The following CEP350 variants were observed in gnomAD, a reference collection of about 807,000 sequenced individuals.
CEP350 encodes the protein centrosomal protein 350.
A neutral mutation model predicts 331.8 loss-of-function variants in CEP350; 126 were observed. That is an observed-to-expected ratio of 0.38 (90% CI 0.33 to 0.44). The LOEUF (loss-of-function observed/expected upper bound fraction) is 0.44. CEP350 is among the 20% of genes least tolerant of loss of function. The pLI, the probability that CEP350 is intolerant of heterozygous loss-of-function variation, is 1.00. For synonymous variants in CEP350, 1,200 were observed against 1,259.5 expected (o/e 0.95, Z 1.00); for missense variants, 3,406 against 3,634.6 (o/e 0.94, Z 1.62).
At chr1:179,989,149 G>A (rs1652863066) in intron 3 of CEP350, among the ~76,000 whole-genome samples, 1 of 151,910 alleles carries the variant, frequency 6.6e-6, no homozygotes, top group African/African-American at 2.4e-5. Flanking sequence ...AAAATACATT[G>A]GGATGCAAAA....
At position 180,053,847 on chromosome 1, in the gene CEP350, C is replaced by T; in HGVS notation, c.5087C>T (p.Ala1696Val). ...QYMKEEEMRAAHQSSLLRLRE... is the reference protein window; with the variant it reads ...QYMKEEEMRAVHQSSLLRLRE... Reference sequence around the variant, plus strand: ...ATGAAAGAGGAAGAAATGAGGGCAGCTCACCAGTCTTCACTCCTGCGTCTC... The same window carrying T: ...ATGAAAGAGGAAGAAATGAGGGCAGTTCACCAGTCTTCACTCCTGCGTCTC... Residue 1696 changes from alanine to valine, a missense_variant, in exon 24 of 38, where the codon GCT becomes GTT. Around this residue, in one of 5 missense-constraint regions of CEP350, gnomAD observed 104 missense variants for 143.3 expected, o/e 0.73. Transcript: ENST00000367607. 6.2e-7 allele frequency: 1 copy of T among 1,612,424 alleles called. No individual in the cohort carries two copies. Among genetic ancestry groups the T allele is most frequent in the Non-Finnish European group, 8.5e-7 (1 of 1,178,802 alleles).
intron 27 of CEP350, among the ~76,000 whole-genome samples, chr1:180,067,750 A>G (rs1426622884): frequency 6.6e-6 from 1 of 152,234 alleles, no homozygotes; most frequent in African/African-American, 2.4e-5. Context: ...TGCATAGGAA[A>G]GGAAGAATAT....
At chr1:180,011,885 A>C (rs762899529) in intron 8 of CEP350, 44 bp from the exon 9 acceptor site, 1 of 1,353,640 alleles carries the variant, frequency 7.4e-7, no homozygotes. Flanking sequence ...CACTTCTTAC[A>C]ATTAAAATTT....
Position 180,037,052 on chromosome 1 carries a change from C to A in CEP350, c.4073C>A (p.Ala1358Asp). 1.2e-6 allele frequency: 2 copies of A among 1,605,602 alleles called. No individual in the cohort carries two copies. The highest frequency in any genetic ancestry group is 1.7e-6 in the Non-Finnish European group (2 of 1,175,838). ...DVERVRGISL[A>D]QQESVSLAQI... ...GAAAGAGTTAGAGGCATTTCACTTG[C>A]TCAGCAGGAGAGTGTGTCTCTAGCT... The change falls in exon 17 of 38, where the codon GCT becomes GAT. Residue 1358 changes from alanine (A) to aspartate (D), a missense_variant. Ala to Asp is a moderately radical substitution (Grantham distance 126, BLOSUM62 -2). This residue lies in a region of CEP350 where 1,857 missense variants were observed against 1,909.2 expected (regional missense o/e 0.97). Transcript: ENST00000367607.
chr1:180,111,562 C>T lies in CEP350; in HGVS notation c.*401C>T, dbSNP rs1322678953. ...TTTTGAAATGTAATTCTGGTCTATA[C>T]CATGGAAGTCATAAATGGACATTAT... On this transcript the variant is annotated 3_prime_UTR_variant, in exon 38 of 38. Coordinates refer to ENST00000367607, the MANE Select transcript of CEP350 (RefSeq NM_014810.5). The T allele has an allele frequency of 6.3e-6, 1 of 158,454 alleles. No homozygotes were observed. Among genetic ancestry groups the T allele is most frequent in the African/African-American group, 2.4e-5 (1 of 41,604 alleles). 9.8% of individuals were successfully genotyped at this position (158,454 alleles called of 1,614,324 possible). A position where few individuals can be genotyped will look rare whatever the true frequency, so the allele number is the denominator to read the frequency against.
chr1:180,011,454 T>C (rs946058445), intron 8 of CEP350, among the ~76,000 whole-genome samples: 1 of 152,200 alleles, frequency 6.6e-6, no homozygotes, highest in African/African-American at 2.4e-5. Context: ...CTTAGTTCTT[T>C]TTTTGAGATG....
rs1558155935 is a variant in CEP350 at position 180,094,151 on chromosome 1, AGAT to A, written c.8049_8051del (p.Asp2684del). Reference sequence around the variant, plus strand: ...CAGAAAAGGTTTCCATCGCTGCAGAAGATGACACTTTAGACAATACCTTTTCCG... The same window carrying A: ...CAGAAAAGGTTTCCATCGCTGCAGAAGACACTTTAGACAATACCTTTTCCG... On this transcript the variant is annotated inframe_deletion, in exon 34 of 38. Coordinates refer to ENST00000367607, the MANE Select transcript of CEP350 (RefSeq NM_014810.5). 1 of 1,613,746 alleles carries A rather than the reference AGAT, an allele frequency of 6.2e-7. No homozygotes were observed.
intron 1 of CEP350, among the ~76,000 whole-genome samples, chr1:179,963,580 T>C (rs906973309): frequency 1.3e-5 from 2 of 151,932 alleles, no homozygotes; most frequent in African/African-American, 4.8e-5. Flanking sequence ...TTTTTAGCAC[T>C]GTTTATTGAA....
At chr1:180,104,461 C>G (rs537965188) in intron 37 of CEP350, among the ~76,000 whole-genome samples, 37 of 152,128 alleles carry the variant, frequency 2.4e-4, no homozygotes, top group African/African-American at 8.7e-4. Flanking sequence ...CTTCCTGAGC[C>G]TCCTTCAGTA....
chr1:180,005,829 C>A (rs574388672), intron 7 of CEP350, among the ~76,000 whole-genome samples: 2 of 152,242 alleles, frequency 1.3e-5, no homozygotes, highest in Non-Finnish European at 2.9e-5. Flanking sequence ...GCTTTAAGGC[C>A]TTTACTTATA....
chr1:180,009,689 T>A (rs1437501915), intron 8 of CEP350, among the ~76,000 whole-genome samples: 1 of 152,188 alleles, frequency 6.6e-6, no homozygotes, highest in Admixed American at 6.5e-5. Context: ...AGGCTGAAAT[T>A]GAAGAGAAAC....
chr1:180,087,670 C>T lies in CEP350; in HGVS notation c.6378C>T (p.Ser2126=), dbSNP rs1437518665. The change falls in exon 32 of 38, where the codon TCC becomes TCT. Residue 2126 remains serine (S), a synonymous_variant. Coordinates refer to ENST00000367607, the MANE Select transcript of CEP350 (RefSeq NM_014810.5). ...PTAKPQIKTL[S]SASEKPKIKP... ...CCAAGCCTCAGATTAAAACGCTCTC[C>T]TCAGCTTCTGAAAAACCCAAGATCA... 1 of 1,582,130 alleles carries T rather than the reference C, an allele frequency of 6.3e-7. No individual in the cohort carries two copies. Among genetic ancestry groups the T allele is most frequent in the South Asian group, 1.2e-5 (1 of 86,242 alleles).
intron 21 of CEP350, among the ~76,000 whole-genome samples, chr1:180,044,495 C>T (rs113148486): frequency 0.029 from 4,339 of 151,802 alleles, 76 homozygotes; most frequent in Middle Eastern, 0.082. Flanking sequence ...TACTATGCAG[C>T]CATAAAAAAT....
At chr1:180,098,637 C>T (rs1660627482) in intron 36 of CEP350, among the ~76,000 whole-genome samples, 2 of 152,178 alleles carry the variant, frequency 1.3e-5, no homozygotes, top group Admixed American at 6.5e-5. Context: ...AGTCACCGTG[C>T]CCAGCTAGGT....
Position 180,092,978 on chromosome 1 carries a change from G to A in CEP350, c.6873G>A (p.Gln2291=), listed in dbSNP as rs750500419. 1.3e-5 allele frequency: 21 copies of A among 1,600,728 alleles called. No homozygotes were observed. The highest frequency in any genetic ancestry group is 4.3e-6 in the Non-Finnish European group (5 of 1,172,574). ...TCTTACTGAAATTAGTCCTAGAACAGGGAGATTCATCTGAAATTCTTTCAA... is the reference window on the plus strand; with the variant it reads ...TCTTACTGAAATTAGTCCTAGAACAAGGAGATTCATCTGAAATTCTTTCAA... ...SDVLLKLVLE[Q]GDSSEILSKK... Residue 2291 remains glutamine (Q), a synonymous_variant, in exon 34 of 38, where the codon CAG becomes CAA. Transcript: ENST00000367607.
Position 180,048,639 on chromosome 1 carries a change from C to G in CEP350, c.4726C>G (p.Gln1576Glu). 2 of 1,611,330 alleles carry G rather than the reference C, an allele frequency of 1.2e-6. No individual in the cohort carries two copies. Among genetic ancestry groups the G allele is most frequent in the Non-Finnish European group, 1.7e-6 (2 of 1,177,694 alleles). Residue 1576 changes from glutamine to glutamate, a missense_variant, in exon 22 of 38, where the codon CAG becomes GAG. By Grantham distance (29) the Gln-to-Glu change is conservative (BLOSUM62 2). Around this residue, in one of 5 missense-constraint regions of CEP350, gnomAD observed 1,857 missense variants for 1,909.2 expected, o/e 0.97. Coordinates refer to ENST00000367607, the MANE Select transcript of CEP350 (RefSeq NM_014810.5). ...GEKIESSIDEQVQTAADDSLR... is the reference protein window; with the variant it reads ...GEKIESSIDEEVQTAADDSLR... ...AAAGATAGAGAGTTCCATTGATGAA[C>G]AGGTTCAGACTGCTGCAGATGATTC...
At chr1:179,972,516 A>G (rs1651526906) in intron 1 of CEP350, among the ~76,000 whole-genome samples, 1 of 151,834 alleles carries the variant, frequency 6.6e-6, no homozygotes, top group Non-Finnish European at 1.5e-5. Flanking sequence ...TTTATTTTTT[A>G]TTTTTTGAGA....
chr1:179,962,573 C>G (rs1650714652), intron 1 of CEP350, among the ~76,000 whole-genome samples: 1 of 152,070 alleles, frequency 6.6e-6, no homozygotes. Context: ...CCATGCCTGG[C>G]TGATTTTTGT....
chr1:180,078,838 T>C (rs1659394403), intron 29 of CEP350, among the ~76,000 whole-genome samples, 164 bp downstream of exon 29: 1 of 152,210 alleles, frequency 6.6e-6, no homozygotes, highest in African/African-American at 2.4e-5. Context: ...TTTACAAATA[T>C]ATGAATTTTG....
Sources: gnomAD v4.1 joint callset for allele counts (sites outside exome capture counted in the v4.1 genomes callset) on GRCh38, gnomAD v4.1.1 for gene constraint, gnomAD v4.1.1 regional missense constraint, MANE v1.5 for transcripts, NCBI Gene and HGNC (gene_info 2026-07-23, HGNC 2026-07-21) for gene names.